MDGA2: variants seen among roughly 807,000 people sequenced by gnomAD.
The protein encoded by MDGA2 is MAM domain containing glycosylphosphatidylinositol anchor 2.
Under a neutral mutation model 117.8 loss-of-function variants are expected in MDGA2, and 40 were observed. That is an observed-to-expected ratio of 0.34 (90% CI 0.26 to 0.44). The LOEUF (loss-of-function observed/expected upper bound fraction) is 0.44. Ranked by LOEUF, MDGA2 falls within the 20% of genes least tolerant of loss-of-function variation. The pLI is 1.00. For missense variants in MDGA2, 1,123 were observed against 1,250.6 expected (o/e 0.90, Z 1.54); for synonymous variants, 452 against 439.0 (o/e 1.03, Z -0.37).
chr14:46,887,726 CAT>C (rs1446025193), intron 10 of MDGA2, among the ~76,000 whole-genome samples: 1 of 151,642 alleles, frequency 6.6e-6, no homozygotes, highest in African/African-American at 2.4e-5. Flanking sequence ...AATACTATAA[CAT>C]AATATAAATG....
chr14:47,564,987 C>CT (rs200644210), intron 1 of MDGA2, among the ~76,000 whole-genome samples: 2,743 of 149,624 alleles, frequency 0.018, 67 homozygotes, highest in African/African-American at 0.062. Context: ...AAAATGGCCA[C>CT]TTTTTTTTTT....
intron 8 of MDGA2, among the ~76,000 whole-genome samples, chr14:46,980,056 T>G (rs983677212): frequency 1.3e-5 from 2 of 152,182 alleles, no homozygotes; most frequent in Non-Finnish European, 2.9e-5. Context: ...TTTAAGTGCA[T>G]TAGTGTAAGT....
intron 1 of MDGA2, among the ~76,000 whole-genome samples, chr14:47,613,538 TAAAC>T (rs781004033): frequency 2.7e-5 from 4 of 149,616 alleles, no homozygotes; most frequent in Non-Finnish European, 5.9e-5. Context: ...ATCCCAGAAA[TAAAC>T]AAATCCTGAA....
rs570940253 is a variant in MDGA2 at position 47,302,723 on chromosome 14, A to C, written c.281-1173T>G. Among the ~76,000 whole-genome samples, 4 of 152,306 alleles carry C rather than the reference A, an allele frequency of 2.6e-5. No homozygotes were observed. The East Asian group carries it at 7.7e-4, about 29-fold the overall frequency. ...TCATGAAAAAAATCATTCTGGGAAA[A>C]GCTGTGTTCTGAAAGTAAAATAGAA... is the stretch of plus-strand genomic sequence containing the variant. On this transcript the variant is annotated intron_variant, in intron 1 of 16. Transcript: ENST00000399232.
At position 47,363,850 on chromosome 14, in the gene MDGA2, T is replaced by C. The variant is rs370250828; in HGVS notation, c.281-62300A>G. On this transcript the variant is annotated intron_variant, in intron 1 of 16. Coordinates refer to ENST00000399232, the MANE Select transcript of MDGA2 (RefSeq NM_001113498.3). The stretch of plus-strand genomic sequence containing the variant: ...AAAATAGATGAGTGCAAAGAGTATT[T>C]CTAGATAGCATCTAATTTACTGTAG... 2.7e-4 allele frequency among the ~76,000 whole-genome samples: 41 copies of C among 152,244 alleles called. No individual in the cohort carries two copies. The East Asian group carries it at 6.9e-3, about 26-fold the overall frequency.
chr14:47,277,651 A>G (rs1427452586), intron 2 of MDGA2, among the ~76,000 whole-genome samples: 2 of 152,192 alleles, frequency 1.3e-5, no homozygotes, highest in African/African-American at 4.8e-5. Context: ...GGGGAAAAGC[A>G]TATAGGTCAC....
intron 5 of MDGA2, among the ~76,000 whole-genome samples, chr14:47,120,030 A>G (rs1437956182): frequency 6.6e-6 from 1 of 152,222 alleles, no homozygotes; most frequent in Non-Finnish European, 1.5e-5. Context: ...AACAAAGAAA[A>G]TTGGTTTTGA....
chr14:46,943,880 C>A (rs1885080787), intron 9 of MDGA2, among the ~76,000 whole-genome samples: 1 of 152,070 alleles, frequency 6.6e-6, no homozygotes, highest in Admixed American at 6.6e-5. Context: ...AGCATGAAAG[C>A]AGCTTTAGAC....
At chr14:47,368,332 T>C (rs1891275072) in intron 1 of MDGA2, among the ~76,000 whole-genome samples, 1 of 152,090 alleles carries the variant, frequency 6.6e-6, no homozygotes, top group African/African-American at 2.4e-5. Flanking sequence ...TTATGCTACA[T>C]GAATCTGGAA....
At chr14:47,508,383 G>GTATA (rs151191240) in intron 1 of MDGA2, among the ~76,000 whole-genome samples, 12 of 71,312 alleles carry the variant, frequency 1.7e-4, no homozygotes, top group Admixed American at 2.8e-4. Flanking sequence ...CTCTCTCTCT[G>GTATA]TATATATATA....
At chr14:47,388,457 A>T (rs114918676) in intron 1 of MDGA2, among the ~76,000 whole-genome samples, 6 of 152,266 alleles carry the variant, frequency 3.9e-5, no homozygotes, top group African/African-American at 1.4e-4. Context: ...GCATTCCCAC[A>T]ATCTGTTCTA....
chr14:47,473,239 G>A (rs546879424), intron 1 of MDGA2, among the ~76,000 whole-genome samples: 2 of 152,126 alleles, frequency 1.3e-5, no homozygotes, highest in Admixed American at 1.3e-4. Context: ...CCTGCTCTGT[G>A]GTTCTAATTC....
intron 3 of MDGA2, among the ~76,000 whole-genome samples, chr14:47,174,810 G>C (rs1884359688): frequency 6.6e-6 from 1 of 152,074 alleles, no homozygotes; most frequent in Non-Finnish European, 1.5e-5. Context: ...GAGGAGAACT[G>C]AAGGAAATAG....
chr14:47,159,442 T>C (rs1883541044), intron 3 of MDGA2, among the ~76,000 whole-genome samples: 2 of 152,244 alleles, frequency 1.3e-5, no homozygotes, highest in Non-Finnish European at 2.9e-5. Flanking sequence ...TGTTTTCTAA[T>C]TTAGTCAATC....
intron 8 of MDGA2, among the ~76,000 whole-genome samples, chr14:47,006,173 T>C (rs1887702403): frequency 6.6e-6 from 1 of 151,242 alleles, no homozygotes; most frequent in East Asian, 1.9e-4. Context: ...ATTATTTTAT[T>C]TCAAGTGTTG....
chr14:47,605,162 G>A (rs1172555399), intron 1 of MDGA2, among the ~76,000 whole-genome samples: 1 of 151,960 alleles, frequency 6.6e-6, no homozygotes, highest in Admixed American at 6.6e-5. Context: ...AGTTCCCTTA[G>A]GTTTATTTAT....
chr14:46,934,864 G>T (rs112884623), intron 9 of MDGA2, among the ~76,000 whole-genome samples: 82 of 152,070 alleles, frequency 5.4e-4, no homozygotes, highest in Non-Finnish European at 9.1e-4. Flanking sequence ...TTGTCAGTGG[G>T]TGAGGAAAGC....
intron 1 of MDGA2, among the ~76,000 whole-genome samples, chr14:47,619,559 A>G (rs1897012396): frequency 6.6e-6 from 1 of 152,200 alleles, no homozygotes; most frequent in Non-Finnish European, 1.5e-5. Context: ...ACAGTGACAC[A>G]TCTCTCCAGC....
At chr14:47,325,370 T>C (rs943285869) in intron 1 of MDGA2, among the ~76,000 whole-genome samples, 7 of 152,160 alleles carry the variant, frequency 4.6e-5, no homozygotes, top group Non-Finnish European at 7.4e-5. Context: ...ATAAGTAGTG[T>C]CAATCATTTT....
Sources: allele counts gnomAD v4.1 joint callset (sites outside exome capture counted in the v4.1 genomes callset), GRCh38; gene constraint gnomAD v4.1.1; transcripts MANE v1.5; gene names NCBI Gene and HGNC (gene_info 2026-07-23, HGNC 2026-07-21).